TRPC7: variants seen among roughly 807,000 people sequenced by gnomAD.
The protein encoded by TRPC7 is short transient receptor potential channel 7.
A neutral mutation model predicts 90.1 loss-of-function variants in TRPC7; 42 were observed. The ratio of observed to expected loss-of-function variants is 0.47; its 90% CI spans 0.36 to 0.60. TRPC7 has a LOEUF of 0.60. Among genes scored for constraint, TRPC7 ranks in the 20% least tolerant of loss-of-function variants. The probability of loss-of-function intolerance (pLI) is 0.00; values close to 1 mark genes in which losing one functional copy is unlikely to be tolerated. For synonymous variants in TRPC7, 451 were observed against 436.3 expected (o/e 1.03, Z -0.42); for missense variants, 955 against 1,112.3 (o/e 0.86, Z 2.01).
chr5:136,294,238 C>G (rs947741434), intron 3 of TRPC7, among the ~76,000 whole-genome samples: 1 of 152,148 alleles, frequency 6.6e-6, no homozygotes, highest in Non-Finnish European at 1.5e-5. Flanking sequence ...TGGGCAAGGA[C>G]TTCATGTCTA....
intron 2 of TRPC7, among the ~76,000 whole-genome samples, chr5:136,330,428 G>T (rs985524702): frequency 1.3e-5 from 2 of 152,146 alleles, no homozygotes; most frequent in African/African-American, 2.4e-5. Flanking sequence ...TGGCAGCTGG[G>T]ATCTGGATTT....
intron 3 of TRPC7, among the ~76,000 whole-genome samples, chr5:136,305,879 C>T (rs1226917489): frequency 2.0e-5 from 3 of 152,200 alleles, no homozygotes; most frequent in South Asian, 2.1e-4. Context: ...TTAAAAAGGA[C>T]TGGACAATAC....
At position 136,365,338 on chromosome 5, in the gene TRPC7, G is replaced by A. The variant is rs1244416811; in HGVS notation, c.-84C>T. On this transcript the variant is annotated 5_prime_UTR_variant, in exon 1 of 12. Transcript: ENST00000513104. Reference sequence around the variant, plus strand: ...CGCCAGAAGCTGGCTCCCCATGGGTGGTAGCCAAGGATGTACCGCTCTCCG... The same window carrying A: ...CGCCAGAAGCTGGCTCCCCATGGGTAGTAGCCAAGGATGTACCGCTCTCCG... 1 of 1,404,736 alleles carries A rather than the reference G, an allele frequency of 7.1e-7. No individual in the cohort carries two copies. Among genetic ancestry groups the A allele is most frequent in the African/African-American group, 1.4e-5 (1 of 70,328 alleles). 87.0% of individuals were successfully genotyped at this position (1,404,736 alleles called of 1,614,324 possible).
intron 3 of TRPC7, among the ~76,000 whole-genome samples, chr5:136,313,584 A>C (rs1758912725): frequency 6.6e-6 from 1 of 152,246 alleles, no homozygotes; most frequent in Admixed American, 6.5e-5. Context: ...AATATTGGTT[A>C]GTTTCCTGGT....
intron 3 of TRPC7, among the ~76,000 whole-genome samples, chr5:136,276,866 G>C (rs1346750847): frequency 6.6e-6 from 1 of 151,664 alleles, no homozygotes; most frequent in African/African-American, 2.4e-5. Flanking sequence ...CAGTCTCAGA[G>C]GGAGTGGTGG....
At chr5:136,283,392 G>A (rs1452198885) in intron 3 of TRPC7, among the ~76,000 whole-genome samples, 1 of 152,176 alleles carries the variant, frequency 6.6e-6, no homozygotes, top group Non-Finnish European at 1.5e-5. Flanking sequence ...TTTTCTAAAA[G>A]GGCAGTCCCC....
intron 11 of TRPC7, among the ~76,000 whole-genome samples, chr5:136,214,616 C>T (rs897462708): frequency 1.3e-5 from 2 of 152,164 alleles, no homozygotes; most frequent in African/African-American, 2.4e-5. Context: ...TTACATACTG[C>T]TTGAGGCTGG....
intron 2 of TRPC7, among the ~76,000 whole-genome samples, chr5:136,345,393 T>TGAAAATAC (rs1215022010): frequency 3.3e-5 from 5 of 151,976 alleles, no homozygotes; most frequent in African/African-American, 9.7e-5. Flanking sequence ...CCGTCTCTAC[T>TGAAAATAC]AAAAATACAA....
chr5:136,298,719 C>T (rs944866054), intron 3 of TRPC7, among the ~76,000 whole-genome samples: 1 of 152,162 alleles, frequency 6.6e-6, no homozygotes, highest in Non-Finnish European at 1.5e-5. Context: ...AGGCTCCTCA[C>T]CAAGTCAAGC....
At chr5:136,301,332 ATTTT>A (rs368799815) in intron 3 of TRPC7, among the ~76,000 whole-genome samples, 8 of 85,710 alleles carry the variant, frequency 9.3e-5, no homozygotes, top group Admixed American at 2.9e-4. Flanking sequence ...CAGCCCAGGC[ATTTT>A]TTTTTTTTTT....
At chr5:136,351,029 A>G (rs958151678) in intron 2 of TRPC7, among the ~76,000 whole-genome samples, 3 of 152,252 alleles carry the variant, frequency 2.0e-5, no homozygotes, top group Non-Finnish European at 4.4e-5. Context: ...TATCCTGTAT[A>G]CTTTAAATCA....
At chr5:136,292,436 A>G (rs1244711015) in intron 3 of TRPC7, among the ~76,000 whole-genome samples, 1 of 152,184 alleles carries the variant, frequency 6.6e-6, no homozygotes, top group African/African-American at 2.4e-5. Flanking sequence ...AATTAAATAG[A>G]CGCAATAAAA....
At chr5:136,319,797 C>T (rs1369082250) in intron 2 of TRPC7, among the ~76,000 whole-genome samples, 1 of 152,148 alleles carries the variant, frequency 6.6e-6, no homozygotes, top group Admixed American at 6.6e-5. Context: ...GAATAACATA[C>T]TCTTCTGTCT....
chr5:136,323,229 C>G (rs1044183136), intron 2 of TRPC7, among the ~76,000 whole-genome samples: 101 of 152,350 alleles, frequency 6.6e-4, no homozygotes, highest in African/African-American at 2.3e-3. Flanking sequence ...TCACCTTTGG[C>G]CATGATTGGG....
chr5:136,229,803 T>C (rs1241895318), intron 8 of TRPC7, among the ~76,000 whole-genome samples: 3 of 152,248 alleles, frequency 2.0e-5, no homozygotes, highest in African/African-American at 7.2e-5. Flanking sequence ...TTGTTTCTTA[T>C]AATTTAAGGA....
chr5:136,337,289 T>C (rs1224856656), intron 2 of TRPC7, among the ~76,000 whole-genome samples: 1 of 152,216 alleles, frequency 6.6e-6, no homozygotes, highest in African/African-American at 2.4e-5. Flanking sequence ...AGGAATAAAC[T>C]CTTGCTCCTG....
intron 3 of TRPC7, among the ~76,000 whole-genome samples, chr5:136,304,033 C>T (rs1474909173): frequency 6.6e-6 from 1 of 151,696 alleles, no homozygotes; most frequent in South Asian, 2.1e-4. Flanking sequence ...TTTAAGCACT[C>T]CTTTTTAGTT....
chr5:136,329,621 T>A (rs1277113120), intron 2 of TRPC7, among the ~76,000 whole-genome samples: 1 of 152,212 alleles, frequency 6.6e-6, no homozygotes, highest in Non-Finnish European at 1.5e-5. Context: ...AGAGATCATG[T>A]ACAAATGTGT....
At chr5:136,279,205 T>C (rs1757465689) in intron 3 of TRPC7, among the ~76,000 whole-genome samples, 1 of 152,184 alleles carries the variant, frequency 6.6e-6, no homozygotes, top group Non-Finnish European at 1.5e-5. Flanking sequence ...CCTCCAGTTT[T>C]CTAGACCAAG....
Sources: gnomAD v4.1 joint callset for allele counts (sites outside exome capture counted in the v4.1 genomes callset) on GRCh38, gnomAD v4.1.1 for gene constraint, MANE v1.5 for transcripts, NCBI Gene and HGNC (gene_info 2026-07-23, HGNC 2026-07-21) for gene names.